The following BMX variants were observed in gnomAD, a reference collection of about 807,000 sequenced individuals.
The protein encoded by BMX is cytoplasmic tyrosine-protein kinase BMX.
Under a neutral mutation model 59.2 loss-of-function variants are expected in BMX, and 31 were observed. The ratio of observed to expected loss-of-function variants is 0.52; its 90% CI spans 0.39 to 0.71. The LOEUF is 0.71. Among genes scored for constraint, BMX ranks in the 30% least tolerant of loss-of-function variants. BMX has a pLI of 0.00. For synonymous variants in BMX, 185 were observed against 181.0 expected, an observed-to-expected ratio of 1.02 and a Z score of -0.18; for missense variants, 474 against 491.7, an observed-to-expected ratio of 0.96 and a Z score of 0.34.
At chrX:15,530,631 T>C (rs981662594) in intron 10 of BMX, among the ~76,000 whole-genome samples, 4 of 111,991 alleles carry the variant, frequency 3.6e-5, no homozygotes, top group Non-Finnish European at 7.5e-5. Context: ...AGATGATTTA[T>C]CGGAGGCCGT....
At chrX:15,501,269 C>T (rs1441224775) in intron 1 of BMX, among the ~76,000 whole-genome samples, 10 of 112,087 alleles carry the variant, frequency 8.9e-5, no homozygotes, top group Admixed American at 8.5e-4. Flanking sequence ...TTTCTCCATC[C>T]GCTTCTTTAG....
At chrX:15,534,407 A>T (rs1601652201) in intron 12 of BMX, 68 bp downstream of exon 12, 3 of 974,669 alleles carry the variant, frequency 3.1e-6, no homozygotes, top group Non-Finnish European at 4.0e-6. Flanking sequence ...GATACTACTG[A>T]TCCTCCTAAT....
At chrX:15,550,665 T>TAC (rs58905214) in intron 18 of BMX, among the ~76,000 whole-genome samples, 3,878 of 86,697 alleles carry the variant, frequency 0.045, 93 homozygotes, top group Middle Eastern at 0.11. Flanking sequence ...TCAAAGTCTT[T>TAC]ACACACACAC....
At chrX:15,511,270 G>C (rs762127268) in intron 3 of BMX, among the ~76,000 whole-genome samples, 167 bp from the exon 4 acceptor site, 1 of 112,043 alleles carries the variant, frequency 8.9e-6, no homozygotes, top group South Asian at 3.7e-4. Flanking sequence ...AAAACAAATT[G>C]ATAACTGGAG....
In BMX at chrX:15,543,091, G is replaced by A. The variant is rs753033805; in HGVS notation, c.1632G>A (p.Val544=). 3 of 1,208,923 alleles carry A rather than the reference G, an allele frequency of 2.5e-6. No individual in the cohort carries two copies. In the South Asian group the frequency reaches 5.3e-5, roughly 21 times the overall value. The stretch of plus-strand genomic sequence containing the variant: ...TAAAGGCTGCTCGTAACTGCTTGGT[G>A]GACAGAGATCTCTGTGTGAAAGTAT... The part of the protein sequence containing the change: ...HRDLAARNCL[V]DRDLCVKVSD... The change falls in exon 16 of 19, where the codon GTG becomes GTA. Residue 544 remains valine, a synonymous_variant. Coordinates refer to ENST00000348343, the MANE Select transcript of BMX (RefSeq NM_203281.3).
chrX:15,509,314 T>C lies in BMX; in HGVS notation c.139-15T>C. On this transcript the variant is annotated splice_polypyrimidine_tract_variant and intron_variant, in intron 2 of 18. Transcript: ENST00000348343. ...GTATTGCAGGAAGTATCTTACATTT[T>C]GTTTTTTAATTCAGAAAAGGGGCAG... The C allele has an allele frequency of 8.5e-7, 1 of 1,179,118 alleles. No homozygotes were observed. The highest frequency in any genetic ancestry group is 1.8e-5 in the South Asian group (1 of 55,091).
intron 9 of BMX, among the ~76,000 whole-genome samples, chrX:15,528,501 T>C (rs765501313): frequency 1.7e-4 from 19 of 110,602 alleles, no homozygotes; most frequent in African/African-American, 5.3e-4. Context: ...TCTACAAAAA[T>C]ACAAAAATTA....
At chrX:15,547,363 G>T (rs772785202) in intron 17 of BMX, among the ~76,000 whole-genome samples, 4 of 112,241 alleles carry the variant, frequency 3.6e-5, no homozygotes, top group Non-Finnish European at 7.5e-5. Context: ...ACGTTGAAAA[G>T]ACATCAATTT....
chrX:15,546,729 G>T, intron 16 of BMX, 74 bp from the exon 17 acceptor site: 1 of 835,995 alleles, frequency 1.2e-6, no homozygotes, highest in South Asian at 2.4e-5. Context: ...CTGAGACTCT[G>T]GGTGGCTTCC....
chrX:15,540,571 T>TAA (rs753898597), intron 14 of BMX, among the ~76,000 whole-genome samples: 1 of 100,363 alleles, frequency 1.0e-5, no homozygotes, highest in Non-Finnish European at 2.1e-5. Context: ...CAAAGTATAA[T>TAA]AAAAAAAAAA....
chrX:15,516,327 G>T, intron 5 of BMX, 96 bp downstream of exon 5: 1 of 1,071,871 alleles, frequency 9.3e-7, no homozygotes, highest in South Asian at 2.4e-5. Flanking sequence ...CAGAAAACAA[G>T]ATGTGCCAGA....
At chrX:15,503,817 T>C (rs1923649899) in intron 1 of BMX, among the ~76,000 whole-genome samples, 1 of 112,250 alleles carries the variant, frequency 8.9e-6, no homozygotes, top group South Asian at 3.7e-4. Context: ...GGGCAATTTA[T>C]TTATCTATTG....
At chrX:15,521,207 T>G (rs1326494446) in intron 6 of BMX, among the ~76,000 whole-genome samples, 1 of 111,972 alleles carries the variant, frequency 8.9e-6, no homozygotes, top group South Asian at 3.7e-4. Flanking sequence ...ATGTTCCCTT[T>G]CAGTCACTAC....
chrX:15,536,134 C>T (rs374268413), intron 12 of BMX, among the ~76,000 whole-genome samples: 2 of 112,013 alleles, frequency 1.8e-5, no homozygotes, highest in South Asian at 3.6e-4. Flanking sequence ...TTTTAAAAAT[C>T]ACATACAGTG....
intron 1 of BMX, among the ~76,000 whole-genome samples, chrX:15,506,006 C>T (rs1923726530): frequency 9.0e-6 from 1 of 111,167 alleles, no homozygotes; most frequent in South Asian, 3.8e-4. Context: ...CCTCCTGCCT[C>T]AGCCTCCCTA....
rs190359543 is a variant in BMX, at chrX:15,538,036, C to T, written c.1394+731C>T. On this transcript the variant is annotated intron_variant, in intron 14 of 18. Coordinates refer to ENST00000348343, the MANE Select transcript of BMX (RefSeq NM_203281.3). ...ATATCCTTTTCCTTCTTGGTACCTTCAATACAGTCTAATACTCTTCCTAAT... is the reference window on the plus strand; with the variant it reads ...ATATCCTTTTCCTTCTTGGTACCTTTAATACAGTCTAATACTCTTCCTAAT... Among the ~76,000 whole-genome samples, 5 of 110,792 alleles carry T rather than the reference C, an allele frequency of 4.5e-5. No individual in the cohort carries two copies. The East Asian group carries it at 1.1e-3, about 25-fold the overall frequency.
intron 9 of BMX, among the ~76,000 whole-genome samples, chrX:15,527,791 G>A (rs1401973262): frequency 1.8e-5 from 2 of 111,682 alleles, no homozygotes; most frequent in Admixed American, 1.9e-4. Flanking sequence ...ACATCTTTGT[G>A]GCATGGTCTC....
chrX:15,554,317 C>G (rs375438856), intron 18 of BMX, among the ~76,000 whole-genome samples: 11 of 112,058 alleles, frequency 9.8e-5, no homozygotes, highest in African/African-American at 3.6e-4. Flanking sequence ...TAAGTGAAAG[C>G]TTGATGGCAT....
At chrX:15,510,711 G>A (rs1384429518) in intron 3 of BMX, among the ~76,000 whole-genome samples, 1 of 111,774 alleles carries the variant, frequency 8.9e-6, no homozygotes, top group Non-Finnish European at 1.9e-5. Flanking sequence ...ATTTCTCACA[G>A]AGTTGAAATA....
Sources: gnomAD v4.1 joint callset for allele counts (sites outside exome capture counted in the v4.1 genomes callset) on GRCh38, gnomAD v4.1.1 for gene constraint, MANE v1.5 for transcripts, NCBI Gene and HGNC (gene_info 2026-07-23, HGNC 2026-07-21) for gene names.